The following BEND7 variants were observed in gnomAD, a reference collection of about 807,000 sequenced individuals.
The protein encoded by BEND7 is BEN domain containing 7, also known as BEN domain-containing protein 7.
Under a neutral mutation model 50.9 loss-of-function variants are expected in BEND7, and 28 were observed. The ratio of observed to expected loss-of-function variants is 0.55; its 90% CI spans 0.41 to 0.75. BEND7 has a LOEUF of 0.75. BEND7 is among the 30% of genes least tolerant of loss of function. The pLI is 0.00. For synonymous variants in BEND7, 170 were observed against 183.9 expected (o/e 0.92, Z 0.61); for missense variants, 477 against 491.3 (o/e 0.97, Z 0.28).
chr10:13,526,546 G>C (rs939819807), intron 1 of BEND7, among the ~76,000 whole-genome samples: 4 of 152,140 alleles, frequency 2.6e-5, no homozygotes, highest in Admixed American at 6.6e-5. Flanking sequence ...CCCAATCATA[G>C]AGCAGGGGAG....
In BEND7 at chr10:13,476,107, T is replaced by A. The variant is rs151011478; in HGVS notation, c.1063+4792A>T. 7.5e-3 allele frequency among the ~76,000 whole-genome samples: 1,141 copies of A among 152,298 alleles called. 11 individuals carry two copies. The highest frequency in any genetic ancestry group is 0.026 in the African/African-American group (1,094 of 41,558). On this transcript the variant is annotated intron_variant, in intron 6 of 8. Coordinates refer to ENST00000466271, the MANE Select transcript of BEND7 (RefSeq NM_001369863.1). ...AGAAAAGAGCTATTCACTTTTTTTT[T>A]ATTAAATCCTAATGGAAATAGAGAT...
At chr10:13,464,966 T>C (rs982306147) in intron 6 of BEND7, among the ~76,000 whole-genome samples, 2 of 152,208 alleles carry the variant, frequency 1.3e-5, no homozygotes, top group Admixed American at 6.5e-5. Context: ...AGGTCTCAAC[T>C]GAGACGTGAC....
At chr10:13,477,772 G>A (rs954655512) in intron 6 of BEND7, among the ~76,000 whole-genome samples, 1 of 152,212 alleles carries the variant, frequency 6.6e-6, no homozygotes, top group Non-Finnish European at 1.5e-5. Flanking sequence ...GAGGATGGAT[G>A]TTTAGTATTA....
chr10:13,451,985 ATGAAACGGG>A (rs1837854169), intron 7 of BEND7, among the ~76,000 whole-genome samples: 1 of 152,016 alleles, frequency 6.6e-6, no homozygotes, highest in East Asian at 1.9e-4. Flanking sequence ...AACAGTCACA[ATGAAACGGG>A]TGCTCACTTT....
intron 6 of BEND7, among the ~76,000 whole-genome samples, chr10:13,474,710 C>T (rs1466347394): frequency 2.6e-5 from 4 of 152,144 alleles, no homozygotes; most frequent in Admixed American, 1.3e-4. Context: ...GGTCGATACC[C>T]GTCATCAGTG....
intron 6 of BEND7, among the ~76,000 whole-genome samples, chr10:13,463,388 A>G (rs533627483): frequency 6.0e-4 from 91 of 152,336 alleles, no homozygotes; most frequent in Non-Finnish European, 1.5e-5. Flanking sequence ...CTTAAGAATT[A>G]TTACAATGCC....
chr10:13,487,120 A>G (rs2076275123), intron 5 of BEND7, among the ~76,000 whole-genome samples: 1 of 152,214 alleles, frequency 6.6e-6, no homozygotes, highest in African/African-American at 2.4e-5. Context: ...CAGCAATATA[A>G]TTAACATTTA....
chr10:13,465,246 A>C (rs570135073), intron 6 of BEND7, among the ~76,000 whole-genome samples: 1 of 152,354 alleles, frequency 6.6e-6, no homozygotes, highest in Admixed American at 6.5e-5. Flanking sequence ...CCTGAAGTTC[A>C]TTTCAGATTC....
intron 6 of BEND7, among the ~76,000 whole-genome samples, chr10:13,462,815 C>A (rs896204977): frequency 6.6e-6 from 1 of 152,082 alleles, no homozygotes; most frequent in Non-Finnish European, 1.5e-5. Context: ...GCACAACAAT[C>A]AAGTATATTA....
chr10:13,443,317 T>G (rs1325601435), intron 8 of BEND7: 2 of 152,688 alleles, frequency 1.3e-5, no homozygotes, highest in Non-Finnish European at 2.9e-5. Flanking sequence ...CATATGCCAC[T>G]CAACAATGTC....
intron 6 of BEND7, among the ~76,000 whole-genome samples, chr10:13,458,066 A>G (rs1040780190): frequency 1.3e-5 from 2 of 152,278 alleles, no homozygotes; most frequent in African/African-American, 4.8e-5. Flanking sequence ...TCTGCTTAGT[A>G]TAATTTGAGT....
intron 2 of BEND7, among the ~76,000 whole-genome samples, chr10:13,519,430 G>A (rs909087196): frequency 6.6e-6 from 1 of 150,424 alleles, no homozygotes; most frequent in Non-Finnish European, 1.5e-5. Context: ...GAGCCGAGAT[G>A]GCGCCACTGC....
chr10:13,439,192 T>C (rs756650345), downstream of BEND7: 2 of 1,613,208 alleles, frequency 1.2e-6, no homozygotes, highest in Non-Finnish European at 1.7e-6. Flanking sequence ...AGGCAAGAGA[T>C]GTGAAGGGTA....
At chr10:13,476,334 A>G (rs190276672) in intron 6 of BEND7, among the ~76,000 whole-genome samples, 5 of 152,276 alleles carry the variant, frequency 3.3e-5, no homozygotes, top group African/African-American at 1.2e-4. Context: ...AAGTTCTGAT[A>G]CCTGTGGCTG....
chr10:13,441,902 T>A, intron 8 of BEND7, 152 bp from the exon 9 acceptor site: 1 of 732,498 alleles, frequency 1.4e-6, no homozygotes, highest in Non-Finnish European at 2.3e-6. Flanking sequence ...ATATATGAGA[T>A]GTAACTTGTC....
chr10:13,481,855 G>A (rs747878633), intron 5 of BEND7, among the ~76,000 whole-genome samples: 13 of 152,226 alleles, frequency 8.5e-5, no homozygotes, highest in Non-Finnish European at 1.5e-4. Flanking sequence ...ACTGGGATAC[G>A]GAATCAGAGG....
At position 13,492,744 on chromosome 10, in the gene BEND7, G is replaced by C; in HGVS notation, c.704C>G (p.Pro235Arg). The C allele has an allele frequency of 1.9e-6, 3 of 1,614,006 alleles. No homozygotes were observed. The highest frequency in any genetic ancestry group is 2.5e-6 in the Non-Finnish European group (3 of 1,179,992). ...CTTTTTCTCCATCTCTGACCCACTG[G>C]GCTTCTGTTTCACAGTAAGAGGTTC... is the stretch of plus-strand genomic sequence containing the variant. ...TVEPLTVKQK[P>R]SGSEMEKKSV... is the part of the protein sequence containing the mutation. The change falls in exon 5 of 9, where the codon CCC (proline) becomes CGC (arginine). Residue 235 changes from proline (P) to arginine (R), a missense_variant. Physicochemically the swap from Pro to Arg is moderately radical, Grantham distance 103. Transcript: ENST00000466271.
chr10:13,457,480 G>A (rs1318338713), intron 6 of BEND7, among the ~76,000 whole-genome samples: 1 of 152,204 alleles, frequency 6.6e-6, no homozygotes, highest in East Asian at 1.9e-4. Flanking sequence ...GATCTTTGAA[G>A]GGGCAGCAAT....
chr10:13,509,924 A>G (rs757461120), intron 2 of BEND7, among the ~76,000 whole-genome samples: 9 of 152,214 alleles, frequency 5.9e-5, no homozygotes, highest in Non-Finnish European at 1.2e-4. Context: ...ATTTTTGTCT[A>G]CTTATTTCTC....
Sources: allele counts gnomAD v4.1 joint callset (sites outside exome capture counted in the v4.1 genomes callset), GRCh38; gene constraint gnomAD v4.1.1; transcripts MANE v1.5; gene names NCBI Gene and HGNC (gene_info 2026-07-23, HGNC 2026-07-21).